PCDHA6: variants seen among roughly 807,000 people sequenced by gnomAD.
The protein encoded by PCDHA6 is protocadherin alpha 6, also known as protocadherin alpha-6.
In PCDHA6, 55 loss-of-function variants were observed where a neutral mutation model predicts 60.3. The observed-to-expected ratio is 0.91, with a 90% CI of 0.73 to 1.14. PCDHA6 has a LOEUF of 1.14. Among genes scored for constraint, PCDHA6 ranks in the 50% most tolerant of loss-of-function variants. The probability of loss-of-function intolerance (pLI) is 0.00; values close to 1 mark genes in which losing one functional copy is unlikely to be tolerated. For missense variants in PCDHA6, 1,327 were observed against 1,256.5 expected (o/e 1.06, Z -0.85); for synonymous variants, 652 against 557.9 (o/e 1.17, Z -2.38).
intron 1 of PCDHA6, chr5:140,883,799 C>T: frequency 1.2e-6 from 2 of 1,612,460 alleles, no homozygotes; most frequent in Non-Finnish European, 1.7e-6. Flanking sequence ...CGTGTCGGTG[C>T]ACGCGGAGAG....
intron 1 of PCDHA6, chr5:140,968,976 A>G (rs1410286561): frequency 2.5e-6 from 4 of 1,614,074 alleles, no homozygotes; most frequent in African/African-American, 1.3e-5. Flanking sequence ...TACACTGCGT[A>G]TGGCACTGCA....
chr5:140,967,009 T>G, intron 1 of PCDHA6: 1 of 1,606,176 alleles, frequency 6.2e-7, no homozygotes, highest in Non-Finnish European at 8.5e-7. Flanking sequence ...GCATCAACCA[T>G]CTGGGTGCGC....
In PCDHA6 at chr5:140,843,430, CATCTGCGCGGT is replaced by C. The variant is rs1778874946; in HGVS notation, c.2394+12949_2394+12959del. The C allele has an allele frequency of 1.6e-5, 26 of 1,596,170 alleles. 2 individuals carry two copies. Among genetic ancestry groups the C allele is most frequent in the Non-Finnish European group, 2.1e-5 (24 of 1,165,672 alleles). On this transcript the variant is annotated intron_variant, in intron 1 of 3. Coordinates refer to ENST00000529310, the MANE Select transcript of PCDHA6 (RefSeq NM_018909.4). ...ATGTCAACGTGTACCTGATCATCGC[CATCTGCGCGGT>C]ATCCAGCCTGCTGGTGCTCACGCTG...
chr5:140,873,097 A>G (rs578070341), intron 1 of PCDHA6, among the ~76,000 whole-genome samples: 173 of 152,330 alleles, frequency 1.1e-3, no homozygotes, highest in African/African-American at 4.0e-3. Context: ...GTATAGAGGC[A>G]TAACATACCA....
rs2150363462 is a variant in PCDHA6 at position 140,843,611 on chromosome 5, C to A, written c.2394+13126C>A. 3 of 1,595,894 alleles carry A rather than the reference C, an allele frequency of 1.9e-6. No individual in the cohort carries two copies. In the South Asian group the frequency reaches 3.3e-5, roughly 18 times the overall value. ...GCAGAGGGTGTGCTCTGGTGAGGGG[C>A]CACCGAAGACGGACCTCATGGCCTT... On this transcript the variant is annotated intron_variant, in intron 1 of 3. Coordinates refer to ENST00000529310, the MANE Select transcript of PCDHA6 (RefSeq NM_018909.4).
At chr5:140,875,758 T>C (rs1562702075) in intron 1 of PCDHA6, 1 of 1,614,186 alleles carries the variant, frequency 6.2e-7, no homozygotes. Context: ...CGAGAAGCTG[T>C]GCGGGCGGAG....
chr5:140,841,732 C>G, intron 1 of PCDHA6: 7 of 1,613,858 alleles, frequency 4.3e-6, no homozygotes, highest in Non-Finnish European at 5.9e-6. Flanking sequence ...GGGTAAAAGA[C>G]CAAAAGCTGT....
At chr5:140,909,327 G>A (rs2074440684) in intron 1 of PCDHA6, among the ~76,000 whole-genome samples, 1 of 152,216 alleles carries the variant, frequency 6.6e-6, no homozygotes. Context: ...CCAAATCAAT[G>A]GTTGCATACC....
chr5:140,911,378 C>T lies in PCDHA6; in HGVS notation c.2395-67571C>T, dbSNP rs184939316. On this transcript the variant is annotated intron_variant, in intron 1 of 3. Transcript: ENST00000529310. ...ACAGTAGACACCTGGCAAGGCTGTG[C>T]ATGCACCTTTCATTGCAGGTCAGCC... Among the ~76,000 whole-genome samples the T allele has an allele frequency of 8.0e-3, 1,215 of 152,282 alleles. 6 individuals carry two copies. The highest frequency in any genetic ancestry group is 0.019 in the African/African-American group (783 of 41,542).
chr5:140,877,581 C>G (rs904001764), intron 1 of PCDHA6: 1 of 1,613,842 alleles, frequency 6.2e-7, no homozygotes, highest in Admixed American at 1.7e-5. Context: ...TCATCATCGC[C>G]ATCTGTGCGG....
intron 1 of PCDHA6, among the ~76,000 whole-genome samples, chr5:140,838,633 T>C (rs1417814088): frequency 6.6e-6 from 1 of 151,988 alleles, no homozygotes; most frequent in Non-Finnish European, 1.5e-5. Flanking sequence ...AATAATTTGG[T>C]TGGTCAAAAA....
rs1164377412 is a variant in PCDHA6 at position 140,857,264 on chromosome 5, T to C, written c.2394+26779T>C. The stretch of plus-strand genomic sequence containing the variant: ...GTCCACCTACAAGAATTACTACTCA[T>C]TGGTGCTGGACAGCGCTCTGGACCG... On this transcript the variant is annotated intron_variant, in intron 1 of 3. Transcript: ENST00000529310. 5.0e-6 allele frequency: 8 copies of C among 1,598,636 alleles called. 1 individual carries two copies. The highest frequency in any genetic ancestry group is 2.2e-5 in the East Asian group (1 of 44,850).
At chr5:140,856,020 G>T in intron 1 of PCDHA6, 4 of 1,553,378 alleles carry the variant, frequency 2.6e-6, no homozygotes, top group South Asian at 1.2e-5. Context: ...CCGCTGATTC[G>T]TCGATTTGTA....
chr5:140,875,771 C>T lies in PCDHA6; in HGVS notation c.2394+45286C>T, dbSNP rs182160950. 7,595 of 1,614,196 alleles carry T rather than the reference C, an allele frequency of 4.7e-3. 28 individuals carry two copies. Among genetic ancestry groups the T allele is most frequent in the Middle Eastern group, 6.4e-3 (39 of 6,062 alleles). ...CGCGAGAAGCTGTGCGGGCGGAGCG[C>T]GGAGTGCAGTATCCACCTGGAGGTG... On this transcript the variant is annotated intron_variant, in intron 1 of 3. Transcript: ENST00000529310.
intron 1 of PCDHA6, chr5:140,849,281 T>A: frequency 8.4e-7 from 1 of 1,191,174 alleles, no homozygotes; most frequent in Non-Finnish European, 1.2e-6. Flanking sequence ...CGCTGGTGAT[T>A]CACCCCAATG....
At chr5:141,005,978 G>C (rs1226619772) in intron 3 of PCDHA6, among the ~76,000 whole-genome samples, 2 of 151,936 alleles carry the variant, frequency 1.3e-5, no homozygotes, top group African/African-American at 4.8e-5. Context: ...CAATTCCAAA[G>C]AGTGTTTGAG....
chr5:140,890,452 G>A (rs72800989), intron 1 of PCDHA6, among the ~76,000 whole-genome samples: 2,230 of 151,860 alleles, frequency 0.015, 28 homozygotes, highest in Non-Finnish European at 0.022. Context: ...GATATCTTTA[G>A]GCACAAATAT....
chr5:140,841,767 A>T, intron 1 of PCDHA6: 1 of 1,613,616 alleles, frequency 6.2e-7, no homozygotes, highest in Non-Finnish European at 8.5e-7. Context: ...AGAATGCCAG[A>T]CTCTCGGTTT....
At chr5:140,858,600 T>TA (rs1554151860) in intron 1 of PCDHA6, 1 of 1,293,862 alleles carries the variant, frequency 7.7e-7, no homozygotes, top group Non-Finnish European at 1.1e-6. Context: ...CCAGGAGTTT[T>TA]AAAATTTTTT....
Sources: gnomAD v4.1 joint callset for allele counts (sites outside exome capture counted in the v4.1 genomes callset) on GRCh38, gnomAD v4.1.1 for gene constraint, MANE v1.5 for transcripts, NCBI Gene and HGNC (gene_info 2026-07-23, HGNC 2026-07-21) for gene names.